The following GRIA1 variants were observed in gnomAD, a reference collection of about 807,000 sequenced individuals.
The protein encoded by GRIA1 is glutamate ionotropic receptor AMPA type subunit 1, also known as glutamate receptor 1.
A neutral mutation model predicts 99.2 loss-of-function variants in GRIA1; 31 were observed. The ratio of observed to expected loss-of-function variants is 0.31; its 90% confidence interval spans 0.23 to 0.42. GRIA1 has a LOEUF of 0.42. Ranked by LOEUF, GRIA1 falls within the 10% of genes least tolerant of loss-of-function variation. GRIA1 has a pLI of 1.00. For missense variants in GRIA1, 782 were observed against 1,157.5 expected (o/e 0.68, Z 4.71); for synonymous variants, 438 against 432.4 (o/e 1.01, Z -0.16).
intron 11 of GRIA1, among the ~76,000 whole-genome samples, chr5:153,740,068 T>C (rs1761670577): frequency 6.6e-6 from 1 of 152,248 alleles, no homozygotes; most frequent in Non-Finnish European, 1.5e-5. Context: ...ATTGATACAC[T>C]AGTTTTGGGA....
chr5:153,658,620 A>G (rs1297763217), intron 5 of GRIA1, among the ~76,000 whole-genome samples: 1 of 152,224 alleles, frequency 6.6e-6, no homozygotes, highest in African/African-American at 2.4e-5. Flanking sequence ...GAATAATGCA[A>G]TTCATAAGAC....
intron 10 of GRIA1, among the ~76,000 whole-genome samples, chr5:153,703,927 T>C (rs1758705440): frequency 6.6e-6 from 1 of 152,202 alleles, no homozygotes; most frequent in South Asian, 2.1e-4. Context: ...TCCCCCATTC[T>C]TTTTCTGTTG....
intron 11 of GRIA1, among the ~76,000 whole-genome samples, chr5:153,716,748 G>A (rs144691648): frequency 6.6e-6 from 1 of 152,312 alleles, no homozygotes; most frequent in East Asian, 1.9e-4. Flanking sequence ...GTTAACTGTA[G>A]CACTTTAAGT....
At chr5:153,513,123 T>C (rs980321812) in intron 2 of GRIA1, among the ~76,000 whole-genome samples, 11 of 152,176 alleles carry the variant, frequency 7.2e-5, no homozygotes, top group African/African-American at 2.7e-4. Context: ...TAGTATTTGG[T>C]TATGGCATCC....
At chr5:153,528,493 A>G (rs1351785122) in intron 2 of GRIA1, among the ~76,000 whole-genome samples, 1 of 152,172 alleles carries the variant, frequency 6.6e-6, no homozygotes, top group Non-Finnish European at 1.5e-5. Context: ...AACTTGTTAA[A>G]ACACAGCTTG....
At chr5:153,751,848 A>T (rs1222932598) in intron 11 of GRIA1, among the ~76,000 whole-genome samples, 1 of 152,204 alleles carries the variant, frequency 6.6e-6, no homozygotes, top group African/African-American at 2.4e-5. Context: ...ATCCTTTGCA[A>T]AAAGAGACAG....
chr5:153,609,405 G>A (rs935607047), intron 2 of GRIA1, among the ~76,000 whole-genome samples: 1 of 147,630 alleles, frequency 6.8e-6, no homozygotes, highest in African/African-American at 2.5e-5. Flanking sequence ...TCCTGATCTT[G>A]AAAAAAATGA....
At chr5:153,519,115 T>A (rs1192983077) in intron 2 of GRIA1, among the ~76,000 whole-genome samples, 1 of 151,930 alleles carries the variant, frequency 6.6e-6, no homozygotes, top group East Asian at 1.9e-4. Flanking sequence ...ATACAAAAAA[T>A]TAGCCGGGCA....
At chr5:153,601,637 TA>T (rs1764973878) in intron 2 of GRIA1, among the ~76,000 whole-genome samples, 4 of 152,202 alleles carry the variant, frequency 2.6e-5, no homozygotes, top group African/African-American at 9.6e-5. Context: ...CTAAGTAAAC[TA>T]GTTCATGGCC....
chr5:153,657,844 T>C (rs73278142), intron 5 of GRIA1, among the ~76,000 whole-genome samples: 3,271 of 152,258 alleles, frequency 0.021, 108 homozygotes, highest in African/African-American at 0.075. Flanking sequence ...TTCTCAGAGG[T>C]ATTTGCATTT....
At chr5:153,651,705 T>C (rs192933607) in intron 4 of GRIA1, among the ~76,000 whole-genome samples, 19 of 152,306 alleles carry the variant, frequency 1.2e-4, no homozygotes, top group African/African-American at 4.6e-4. Flanking sequence ...ATGGATTCTT[T>C]AAGGCACTAA....
At chr5:153,723,889 C>T (rs941296971) in intron 11 of GRIA1, among the ~76,000 whole-genome samples, 4 of 152,204 alleles carry the variant, frequency 2.6e-5, no homozygotes, top group Non-Finnish European at 5.9e-5. Flanking sequence ...TTGAAGAGAG[C>T]AGTGGTTCTC....
chr5:153,628,142 A>C (rs1767813823), intron 2 of GRIA1, among the ~76,000 whole-genome samples: 3 of 152,246 alleles, frequency 2.0e-5, no homozygotes, highest in Admixed American at 2.0e-4. Flanking sequence ...GCCAAGAACT[A>C]TGAGAGCCCA....
chr5:153,632,896 T>C (rs1421167637), intron 2 of GRIA1, among the ~76,000 whole-genome samples: 1 of 152,164 alleles, frequency 6.6e-6, no homozygotes, highest in African/African-American at 2.4e-5. Context: ...AAGAAATGAA[T>C]TTTTTCTGGA....
chr5:153,648,754 G>C (rs1055580946), intron 3 of GRIA1, among the ~76,000 whole-genome samples: 1 of 152,046 alleles, frequency 6.6e-6, no homozygotes, highest in Admixed American at 6.5e-5. Context: ...GGTTAACTGT[G>C]TTACTGAAAG....
chr5:153,669,864 T>C (rs1274846950), intron 5 of GRIA1, among the ~76,000 whole-genome samples: 1 of 152,186 alleles, frequency 6.6e-6, no homozygotes. Flanking sequence ...TCAGCTCATA[T>C]TACACCCCCA....
chr5:153,724,493 CTT>C (rs763389087), intron 11 of GRIA1, among the ~76,000 whole-genome samples: 110 of 152,216 alleles, frequency 7.2e-4, no homozygotes, highest in Non-Finnish European at 1.3e-3. Context: ...AAGTTGAAAA[CTT>C]TGAAAAAAAT....
chr5:153,512,508 A>T (rs1335294669), intron 2 of GRIA1, among the ~76,000 whole-genome samples: 1 of 152,180 alleles, frequency 6.6e-6, no homozygotes, highest in Non-Finnish European at 1.5e-5. Context: ...TGAGTACAAC[A>T]TTTGGTCTGG....
intron 2 of GRIA1, among the ~76,000 whole-genome samples, chr5:153,602,331 G>A (rs558714965): frequency 6.6e-6 from 1 of 151,090 alleles, no homozygotes; most frequent in Non-Finnish European, 1.5e-5. Flanking sequence ...ATTGAACAAT[G>A]AGAACACATG....
Sources: gnomAD v4.1 joint callset for allele counts (sites outside exome capture counted in the v4.1 genomes callset) on GRCh38, gnomAD v4.1.1 for gene constraint, MANE v1.5 for transcripts, NCBI Gene and HGNC (gene_info 2026-07-23, HGNC 2026-07-21) for gene names.